CCSER1: variants seen among roughly 807,000 people sequenced by gnomAD.
The protein encoded by CCSER1 is coiled-coil serine rich protein 1, also known as serine-rich coiled-coil domain-containing protein 1.
CCSER1 carries 41 observed loss-of-function variants against 82.0 expected under a neutral mutation model. The observed-to-expected ratio is 0.50, with a 90% CI of 0.39 to 0.65. CCSER1 has a LOEUF of 0.65. CCSER1 is among the 30% of genes least tolerant of loss of function. The pLI is 0.00. For synonymous variants in CCSER1, 414 were observed against 383.9 expected (o/e 1.08, Z -0.92); for missense variants, 1,119 against 1,064.2 (o/e 1.05, Z -0.72).
At chr4:90,992,000 C>G (rs1737074580) in intron 9 of CCSER1, among the ~76,000 whole-genome samples, 1 of 152,010 alleles carries the variant, frequency 6.6e-6, no homozygotes, top group Non-Finnish European at 1.5e-5. Context: ...TATTGCACTC[C>G]AGAGTATTGA....
intron 9 of CCSER1, among the ~76,000 whole-genome samples, chr4:90,923,961 G>A (rs1442985050): frequency 6.6e-6 from 1 of 152,124 alleles, no homozygotes; most frequent in Non-Finnish European, 1.5e-5. Flanking sequence ...CGAAATACTT[G>A]TTGAACTGTC....
At chr4:90,592,724 A>T (rs1782861823) in intron 5 of CCSER1, among the ~76,000 whole-genome samples, 2 of 152,020 alleles carry the variant, frequency 1.3e-5, no homozygotes, top group African/African-American at 4.8e-5. Flanking sequence ...ATTGAATTAG[A>T]GTAGGGGAAT....
At chr4:91,415,804 G>A (rs1007623431) in intron 10 of CCSER1, among the ~76,000 whole-genome samples, 3 of 152,024 alleles carry the variant, frequency 2.0e-5, no homozygotes, top group Non-Finnish European at 2.9e-5. Context: ...GCTGGATTTC[G>A]TTTGCCAGTA....
chr4:91,289,399 T>C (rs963264674), intron 10 of CCSER1, among the ~76,000 whole-genome samples: 1 of 152,076 alleles, frequency 6.6e-6, no homozygotes, highest in Non-Finnish European at 1.5e-5. Context: ...ATTATGAAGA[T>C]ATTGGAACTA....
At chr4:90,153,804 T>G (rs966970139) in intron 1 of CCSER1, among the ~76,000 whole-genome samples, 1 of 152,214 alleles carries the variant, frequency 6.6e-6, no homozygotes, top group Non-Finnish European at 1.5e-5. Flanking sequence ...ATGAGTAGGT[T>G]GCGAAAATTT....
intron 4 of CCSER1, among the ~76,000 whole-genome samples, chr4:90,462,196 T>C (rs2153584417): frequency 6.6e-6 from 1 of 152,338 alleles, no homozygotes; most frequent in African/African-American, 2.4e-5. Flanking sequence ...TTGTTACTTA[T>C]GTATTTATCA....
intron 10 of CCSER1, among the ~76,000 whole-genome samples, chr4:91,359,868 G>C (rs1413090458): frequency 6.6e-6 from 1 of 151,928 alleles, no homozygotes; most frequent in Non-Finnish European, 1.5e-5. Flanking sequence ...TTTTAGTGCA[G>C]ATAGAAAGCC....
At chr4:91,392,363 G>GCACACATGCACACACA (rs1553932163) in intron 10 of CCSER1, among the ~76,000 whole-genome samples, 9 of 148,118 alleles carry the variant, frequency 6.1e-5, no homozygotes, top group African/African-American at 1.0e-4. Flanking sequence ...ACCTACACAT[G>GCACACATGCACACACA]CACACACACA....
intron 5 of CCSER1, among the ~76,000 whole-genome samples, chr4:90,610,960 C>T (rs974818761): frequency 1.3e-5 from 2 of 151,990 alleles, no homozygotes; most frequent in African/African-American, 2.4e-5. Context: ...CTCACTGCAA[C>T]CTCCCCTTCC....
chr4:91,151,655 G>A (rs947307948), intron 10 of CCSER1, among the ~76,000 whole-genome samples: 3 of 152,182 alleles, frequency 2.0e-5, no homozygotes, highest in Non-Finnish European at 4.4e-5. Flanking sequence ...CTGTGTCCCA[G>A]AGATTCTGGT....
intron 3 of CCSER1, among the ~76,000 whole-genome samples, chr4:90,399,209 A>G (rs1752452807): frequency 6.6e-6 from 1 of 152,090 alleles, no homozygotes; most frequent in Non-Finnish European, 1.5e-5. Context: ...TTCTTCAGCA[A>G]TTCCTGCCTG....
At chr4:91,236,247 G>A (rs1738998765) in intron 10 of CCSER1, among the ~76,000 whole-genome samples, 1 of 152,056 alleles carries the variant, frequency 6.6e-6, no homozygotes, top group Admixed American at 6.5e-5. Flanking sequence ...CAGCACTTTG[G>A]GAGGCCGAGG....
intron 6 of CCSER1, among the ~76,000 whole-genome samples, chr4:90,722,908 T>G (rs1179922719): frequency 6.6e-6 from 1 of 151,990 alleles, no homozygotes; most frequent in African/African-American, 2.4e-5. Flanking sequence ...GTAGCACCTA[T>G]GCTTTGAATG....
intron 10 of CCSER1, among the ~76,000 whole-genome samples, chr4:91,176,056 C>T (rs1581711098): frequency 1.3e-5 from 2 of 152,168 alleles, no homozygotes; most frequent in Non-Finnish European, 2.9e-5. Flanking sequence ...AGCCAGTTTT[C>T]CCAGCACCAT....
At chr4:90,191,161 C>T (rs1394223530) in intron 1 of CCSER1, among the ~76,000 whole-genome samples, 1 of 151,942 alleles carries the variant, frequency 6.6e-6, no homozygotes, top group African/African-American at 2.4e-5. Flanking sequence ...GAAGAAAGGG[C>T]TGGGCAAACC....
chr4:90,366,003 T>C (rs1023255051), intron 3 of CCSER1, among the ~76,000 whole-genome samples: 49 of 151,870 alleles, frequency 3.2e-4, no homozygotes, highest in African/African-American at 1.1e-3. Context: ...TAGCCAAATA[T>C]TACATTTCAA....
At chr4:91,262,310 T>G (rs1283822454) in intron 10 of CCSER1, among the ~76,000 whole-genome samples, 2 of 152,028 alleles carry the variant, frequency 1.3e-5, no homozygotes, top group Non-Finnish European at 2.9e-5. Context: ...CAAAATAGAC[T>G]CTCAATACAT....
At chr4:91,427,608 C>T (rs956857609) in intron 10 of CCSER1, among the ~76,000 whole-genome samples, 65 of 152,104 alleles carry the variant, frequency 4.3e-4, no homozygotes, top group African/African-American at 1.5e-3. Context: ...TGAATCTCTA[C>T]TTTTACCACT....
chr4:91,395,853 T>C (rs910342517), intron 10 of CCSER1, among the ~76,000 whole-genome samples: 1 of 152,098 alleles, frequency 6.6e-6, no homozygotes, highest in African/African-American at 2.4e-5. Flanking sequence ...GTTACTACTT[T>C]TGTAAAACAC....
Sources: gnomAD v4.1 joint callset for allele counts (sites outside exome capture counted in the v4.1 genomes callset) on GRCh38, gnomAD v4.1.1 for gene constraint, MANE v1.5 for transcripts, NCBI Gene and HGNC (gene_info 2026-07-23, HGNC 2026-07-21) for gene names.